ATG7: variants seen among roughly 807,000 people sequenced by gnomAD.
The protein encoded by ATG7 is ubiquitin-like modifier-activating enzyme ATG7.
In ATG7, 70 loss-of-function variants were observed where a neutral mutation model predicts 82.4. The observed-to-expected ratio is 0.85, with a 90% CI of 0.70 to 1.04. ATG7 has a LOEUF of 1.04. Ranked by LOEUF, ATG7 falls within the 50% of genes least tolerant of loss-of-function variation. The pLI, the probability that ATG7 is intolerant of heterozygous loss-of-function variation, is 0.00. For synonymous variants in ATG7, 287 were observed against 313.0 expected (o/e 0.92, Z 0.88); for missense variants, 792 against 864.3 (o/e 0.92, Z 1.05).
chr3:11,564,856 G>C, the ATG7 span: 1 of 1,607,852 alleles, frequency 6.2e-7, no homozygotes, highest in Non-Finnish European at 8.5e-7. Flanking sequence ...CTGGCGTCCA[G>C]GCTGTTCTTG....
At chr3:11,548,458 TATATAAG>T (rs1575287581) in intron 20 of ATG7, among the ~76,000 whole-genome samples, 1 of 152,194 alleles carries the variant, frequency 6.6e-6, no homozygotes, top group Admixed American at 6.5e-5. Flanking sequence ...GTCTTTAAAA[TATATAAG>T]ATATATGATT....
chr3:11,543,490 T>C (rs1241452901), intron 20 of ATG7, among the ~76,000 whole-genome samples: 1 of 152,232 alleles, frequency 6.6e-6, no homozygotes, highest in Non-Finnish European at 1.5e-5. Context: ...GGGTTTGGTC[T>C]TAATTCCTCT....
At chr3:11,536,558 G>T (rs2070316559) in intron 20 of ATG7, among the ~76,000 whole-genome samples, 1 of 152,204 alleles carries the variant, frequency 6.6e-6, no homozygotes, top group South Asian at 2.1e-4. Flanking sequence ...CACACACCTA[G>T]GGAGGATGTT....
rs1951902721 is a variant in ATG7 at position 11,333,236 on chromosome 3, A to G, written c.889+143A>G. 8 of 1,126,330 alleles carry G rather than the reference A, an allele frequency of 7.1e-6. No individual in the cohort carries two copies. In the South Asian group the frequency reaches 1.7e-4, roughly 24 times the overall value. 69.8% of individuals were successfully genotyped at this position (1,126,330 alleles called of 1,614,324 possible). A position where few individuals can be genotyped will look rare whatever the true frequency, so the allele number is the denominator to read the frequency against. On this transcript the variant is annotated intron_variant, in intron 11 of 20. Transcript: ENST00000693202. ...TACCTCTTTGCCAATGCAGACACCT[A>G]CTTCGAACAGAGGGCATGCTCTGCT...
chr3:11,477,033 G>T (rs1345381106), intron 20 of ATG7: 11 of 1,173,540 alleles, frequency 9.4e-6, no homozygotes, highest in Non-Finnish European at 1.1e-5. Flanking sequence ...TTAAATGATT[G>T]TTATGCACAA....
chr3:11,550,928 C>T (rs1256329780), intron 20 of ATG7, among the ~76,000 whole-genome samples: 1 of 151,790 alleles, frequency 6.6e-6, no homozygotes, highest in Non-Finnish European at 1.5e-5. Flanking sequence ...CTTATGGTTT[C>T]ATTTTCTCTA....
chr3:11,287,953 A>C (rs1944359538), intron 3 of ATG7, among the ~76,000 whole-genome samples: 1 of 152,274 alleles, frequency 6.6e-6, no homozygotes, highest in South Asian at 2.1e-4. Flanking sequence ...CCTGTGGATC[A>C]AGTCCTGCCC....
At chr3:11,403,166 T>C (rs1029241575) in intron 19 of ATG7, among the ~76,000 whole-genome samples, 1 of 152,172 alleles carries the variant, frequency 6.6e-6, no homozygotes, top group African/African-American at 2.4e-5. Flanking sequence ...TACCAGAAAA[T>C]CCACCCATTG....
intron 20 of ATG7, among the ~76,000 whole-genome samples, chr3:11,439,086 T>TTG (rs2083633202): frequency 1.3e-5 from 2 of 149,310 alleles, no homozygotes; most frequent in African/African-American, 4.9e-5. Context: ...TTTTTTTTTT[T>TTG]GAGACAGAGT....
rs1218495967 is a variant in ATG7 at position 11,294,377 on chromosome 3, C to T, written c.-10-4309C>T. ...CTGGGATTACAGGTGCACTCCACTA[C>T]ACCCGGCTAATTTTTTTTTATTTTT... On this transcript the variant is annotated intron_variant, in intron 3 of 20. Coordinates refer to ENST00000693202, the MANE Select transcript of ATG7 (RefSeq NM_001349232.2). Among the ~76,000 whole-genome samples, 6 of 132,510 alleles carry T rather than the reference C, an allele frequency of 4.5e-5. 1 individual carries two copies. The Middle Eastern group carries it at 0.012, about 265-fold the overall frequency. 86.9% of individuals were successfully genotyped at this position (132,510 alleles called of 152,430 possible).
chr3:11,433,289 TAAAAAAAA>T (rs56859088), intron 20 of ATG7, among the ~76,000 whole-genome samples: 2 of 83,810 alleles, frequency 2.4e-5, no homozygotes, highest in African/African-American at 4.5e-5. Context: ...GTCTCTTATT[TAAAAAAAA>T]AAAAAAAAAA....
In ATG7 at chr3:11,328,756, A is replaced by C. The variant is rs563497950; in HGVS notation, c.679-2584A>C. Reference sequence around the variant, plus strand: ...TCACAATGGTTATAGAACATTTACTAGCATAGAAGACAGTTCACAATACAA... The same window carrying C: ...TCACAATGGTTATAGAACATTTACTCGCATAGAAGACAGTTCACAATACAA... On this transcript the variant is annotated intron_variant, in intron 9 of 20. Transcript: ENST00000693202. Among the ~76,000 whole-genome samples, 19 of 152,354 alleles carry C rather than the reference A, an allele frequency of 1.2e-4. No individual in the cohort carries two copies. In the South Asian group the frequency reaches 3.5e-3, roughly 28 times the overall value.
At chr3:11,327,765 G>C (rs901875562) in intron 9 of ATG7, among the ~76,000 whole-genome samples, 1 of 152,156 alleles carries the variant, frequency 6.6e-6, no homozygotes, top group African/African-American at 2.4e-5. Flanking sequence ...TGAGATCCAC[G>C]GCCATTAGAA....
At chr3:11,434,797 G>C (rs2083225379) in intron 20 of ATG7, among the ~76,000 whole-genome samples, 1 of 152,182 alleles carries the variant, frequency 6.6e-6, no homozygotes, top group Non-Finnish European at 1.5e-5. Context: ...AAGTCTAAGC[G>C]AGAAAGAAGG....
At chr3:11,485,894 G>C (rs1368164488) in intron 20 of ATG7, among the ~76,000 whole-genome samples, 2 of 151,924 alleles carry the variant, frequency 1.3e-5, no homozygotes, top group African/African-American at 2.4e-5. Flanking sequence ...CTGTTCCATT[G>C]ATCTATATCT....
chr3:11,567,032 G>A, the ATG7 span, among the ~76,000 whole-genome samples: 106 of 152,250 alleles, frequency 7.0e-4, no homozygotes, highest in Non-Finnish European at 1.3e-3. Flanking sequence ...TGGACCCTGC[G>A]GCCCAGTCGG....
At chr3:11,448,770 C>T (rs1054554541) in intron 20 of ATG7, among the ~76,000 whole-genome samples, 1 of 152,114 alleles carries the variant, frequency 6.6e-6, no homozygotes, top group Non-Finnish European at 1.5e-5. Flanking sequence ...CATCAGTAAA[C>T]GGGGCAGTGG....
At chr3:11,409,700 G>A (rs577444137) in intron 19 of ATG7, among the ~76,000 whole-genome samples, 4 of 150,866 alleles carry the variant, frequency 2.7e-5, no homozygotes, top group East Asian at 1.9e-4. Context: ...ATAGTTTTGT[G>A]TTTTATATGT....
intron 3 of ATG7, among the ~76,000 whole-genome samples, chr3:11,293,423 C>G (rs1945283086): frequency 6.7e-6 from 1 of 149,964 alleles, no homozygotes; most frequent in South Asian, 2.1e-4. Context: ...CCCAGCTACT[C>G]AAGAGGCTGA....
Sources: gnomAD v4.1 joint callset for allele counts (sites outside exome capture counted in the v4.1 genomes callset) on GRCh38, gnomAD v4.1.1 for gene constraint, MANE v1.5 for transcripts, NCBI Gene and HGNC (gene_info 2026-07-23, HGNC 2026-07-21) for gene names.